Variants in HPS5 observed in about 807,000 individuals in gnomAD.
The protein encoded by HPS5 is BLOC-2 complex member HPS5.
Under a neutral mutation model 128.0 loss-of-function variants are expected in HPS5, and 83 were observed. That is an observed-to-expected ratio of 0.65 (90% CI 0.54 to 0.78). The LOEUF (loss-of-function observed/expected upper bound fraction) is 0.78, where lower values mean the gene tolerates loss of function less well. Ranked by LOEUF, HPS5 falls within the 30% of genes least tolerant of loss-of-function variation. The pLI is 0.00. For missense variants in HPS5, 1,281 were observed against 1,326.2 expected (o/e 0.97, Z 0.53); for synonymous variants, 475 against 470.2 (o/e 1.01, Z -0.13).
chr11:18,317,927 A>G lies in HPS5; in HGVS notation c.-49-20T>C. 6.5e-7 allele frequency: 1 copy of G among 1,534,100 alleles called. No homozygotes were observed. The highest frequency in any genetic ancestry group is 8.9e-7 in the Non-Finnish European group (1 of 1,125,108). On this transcript the variant is annotated intron_variant, in intron 1 of 22. Transcript: ENST00000349215. ...CCTCACCTGAATAAAATCCACAAAAATATAATTTAAGAAGCCCACCATTCA... is the reference window on the plus strand; with the variant it reads ...CCTCACCTGAATAAAATCCACAAAAGTATAATTTAAGAAGCCCACCATTCA...
chr11:18,320,541 T>C (rs899475401), intron 1 of HPS5, among the ~76,000 whole-genome samples: 2 of 152,232 alleles, frequency 1.3e-5, no homozygotes, highest in Non-Finnish European at 2.9e-5. Flanking sequence ...TAATTGTATG[T>C]AGCTTCTACA....
At chr11:18,306,498 G>GA (rs1390478789) in intron 6 of HPS5, 151 bp from the exon 7 acceptor site, 6 of 628,166 alleles carry the variant, frequency 9.6e-6, no homozygotes, top group Non-Finnish European at 1.7e-5. Flanking sequence ...CAATAGAATG[G>GA]AAAGATCAAA....
At chr11:18,286,857 A>G (rs1859799865) in intron 18 of HPS5, 147 bp from the exon 19 acceptor site, 1 of 1,058,080 alleles carries the variant, frequency 9.5e-7, no homozygotes, top group Admixed American at 2.1e-5. Context: ...ATGTCTAGAA[A>G]TGCTGGTGAC....
At position 18,297,651 on chromosome 11, in the gene HPS5, T is replaced by C. The variant is rs572961716; in HGVS notation, c.1231A>G (p.Asn411Asp). ...TCTTCCAGTTGAGAAATTAGATCATTGTAGGTGCCATGGTCCAGCTGAGAT... is the reference window on the plus strand; with the variant it reads ...TCTTCCAGTTGAGAAATTAGATCATCGTAGGTGCCATGGTCCAGCTGAGAT... Reference protein sequence around the residue: ...LKSQLDHGTYNDLISQLEELI... With the variant: ...LKSQLDHGTYDDLISQLEELI... Residue 411 changes from asparagine to aspartate, a missense_variant, in exon 11 of 23, where the codon AAT (asparagine) becomes GAT (aspartate). By Grantham distance (23) the Asn-to-Asp change is conservative. Coordinates refer to ENST00000349215, the MANE Select transcript of HPS5 (RefSeq NM_181507.2). 1.4e-5 allele frequency: 23 copies of C among 1,613,928 alleles called. No homozygotes were observed. In the South Asian group the frequency reaches 2.1e-4, roughly 15 times the overall value.
In HPS5 at chr11:18,287,592, G is replaced by GGAT. The variant is rs1215058272; in HGVS notation, c.2657_2659dup (p.His886dup). The GGAT allele has an allele frequency of 6.2e-7, 1 of 1,614,162 alleles. No homozygotes were observed. Among genetic ancestry groups the GGAT allele is most frequent in the South Asian group, 1.1e-5 (1 of 91,086 alleles). Reference sequence around the variant, plus strand: ...GTCTAAATAGGCCAAAAACTCAGCAGGATGATGATGACAAAGTTGTATGAT... The same window carrying GGAT: ...GTCTAAATAGGCCAAAAACTCAGCAGGATGATGATGATGACAAAGTTGTATGAT... On this transcript the variant is annotated inframe_insertion, in exon 18 of 23. Transcript: ENST00000349215.
chr11:18,315,126 CAT>C (rs1419030207), intron 2 of HPS5, among the ~76,000 whole-genome samples: 3 of 152,196 alleles, frequency 2.0e-5, no homozygotes, highest in Non-Finnish European at 2.9e-5. Flanking sequence ...AGTATAACTA[CAT>C]GTTATTCAAA....
chr11:18,280,865 G>A (rs754471192), intron 22 of HPS5, among the ~76,000 whole-genome samples: 9 of 152,200 alleles, frequency 5.9e-5, no homozygotes, highest in Admixed American at 4.6e-4. Flanking sequence ...AAGTAGAACT[G>A]TGGTTGCCAG....
chr11:18,309,318 T>A (rs1158733776), intron 5 of HPS5, among the ~76,000 whole-genome samples: 2 of 152,230 alleles, frequency 1.3e-5, no homozygotes, highest in East Asian at 3.8e-4. Flanking sequence ...TTATCTAATC[T>A]TAGAGGTTAG....
In HPS5 at chr11:18,301,832, C is replaced by A. The variant is rs191355666; in HGVS notation, c.897-916G>T. Among the ~76,000 whole-genome samples the A allele has an allele frequency of 3.5e-3, 534 of 152,080 alleles. 4 individuals are homozygous for A. Among genetic ancestry groups the A allele is most frequent in the Middle Eastern group, 0.02 (6 of 294 alleles). The stretch of plus-strand genomic sequence containing the variant: ...AGGCTCAGAGAAATAAAATAATATA[C>A]CAAAGGCCATTCAGCATGAAATGTA... On this transcript the variant is annotated intron_variant, in intron 8 of 22. Coordinates refer to ENST00000349215, the MANE Select transcript of HPS5 (RefSeq NM_181507.2).
rs1862880694 is a variant in HPS5, at chr11:18,310,768, G to A, written c.450C>T (p.Ile150=). ...TTGCTTGTTTAGAAGTATTGAGTTT[G>A]ATAGCAGAAACCTTCCCAGCATGAT... ...VGDHAGKVSA[I]KLNTSKQAKA... is the part of the protein sequence containing the mutation. Residue 150 remains isoleucine, a synonymous_variant, in exon 5 of 23, where the codon ATC becomes ATT. Coordinates refer to ENST00000349215, the MANE Select transcript of HPS5 (RefSeq NM_181507.2). 1 of 1,614,004 alleles carries A rather than the reference G, an allele frequency of 6.2e-7. No homozygotes were observed. The highest frequency in any genetic ancestry group is 8.5e-7 in the Non-Finnish European group (1 of 1,179,886).
chr11:18,294,925 A>G (rs1860872675), intron 14 of HPS5, 95 bp downstream of exon 14: 1 of 1,341,556 alleles, frequency 7.5e-7, no homozygotes, highest in African/African-American at 1.4e-5. Flanking sequence ...CATGAGGCCC[A>G]CGGGCCACAG....
intron 13 of HPS5, 33 bp from the exon 14 acceptor site, chr11:18,295,202 TA>T: frequency 1.9e-6 from 3 of 1,597,858 alleles, no homozygotes; most frequent in Non-Finnish European, 2.6e-6. Flanking sequence ...CTAACATGAA[TA>T]AAAACTTATT....
At chr11:18,313,191 C>T (rs762746372) in intron 2 of HPS5, among the ~76,000 whole-genome samples, 35 of 151,786 alleles carry the variant, frequency 2.3e-4, no homozygotes, top group South Asian at 1.0e-3. Context: ...CTTTGAATTC[C>T]AAGGACAATC....
intron 8 of HPS5, among the ~76,000 whole-genome samples, chr11:18,301,856 T>C (rs1208937112): frequency 6.6e-6 from 1 of 152,156 alleles, no homozygotes; most frequent in Admixed American, 6.6e-5. Flanking sequence ...GCATGAAATG[T>C]ATACGAGTCA....
chr11:18,299,093 T>C (rs1861414133), intron 9 of HPS5, 123 bp from the exon 10 acceptor site: 12 of 825,086 alleles, frequency 1.5e-5, no homozygotes, highest in African/African-American at 6.8e-5. Flanking sequence ...CTGAATTTCA[T>C]CTCTATTTTT....
At chr11:18,280,145 C>A (rs968560112) in intron 22 of HPS5, among the ~76,000 whole-genome samples, 6 of 152,114 alleles carry the variant, frequency 3.9e-5, no homozygotes, top group Non-Finnish European at 8.8e-5. Context: ...AGGTTAATAT[C>A]CAGAATATCA....
chr11:18,284,913 C>T (rs1859504743), intron 20 of HPS5, among the ~76,000 whole-genome samples: 1 of 152,112 alleles, frequency 6.6e-6, no homozygotes, highest in Non-Finnish European at 1.5e-5. Context: ...AATACAAATC[C>T]TACCCAGGTT....
chr11:18,309,118 C>T (rs1219481289), intron 5 of HPS5, 39 bp from the exon 6 acceptor site: 1 of 1,581,826 alleles, frequency 6.3e-7, no homozygotes, highest in Admixed American at 1.7e-5. Context: ...TTTATTTAAT[C>T]ATAACATACA....
intron 19 of HPS5, among the ~76,000 whole-genome samples, chr11:18,285,787 T>C (rs1176243048): frequency 6.6e-6 from 1 of 152,222 alleles, no homozygotes; most frequent in Admixed American, 6.5e-5. Flanking sequence ...GGGGGTCTTT[T>C]AAGAAGCTTC....
Sources: allele counts gnomAD v4.1 joint callset (sites outside exome capture counted in the v4.1 genomes callset), GRCh38; gene constraint gnomAD v4.1.1; transcripts MANE v1.5; gene names NCBI Gene and HGNC (gene_info 2026-07-23, HGNC 2026-07-21).